Variants in UGT1A10 observed in about 807,000 individuals in gnomAD.
The protein encoded by UGT1A10 is UDP glucuronosyltransferase family 1 member A10.
UGT1A10 carries 49 observed loss-of-function variants against 45.8 expected under a neutral mutation model. That is an observed-to-expected ratio of 1.07 (90% CI 0.85 to 1.36). UGT1A10 has a LOEUF of 1.36. Among genes scored for constraint, UGT1A10 ranks in the 40% most tolerant of loss-of-function variants. The pLI is 0.00. For missense variants in UGT1A10, 745 were observed against 668.6 expected, an observed-to-expected ratio of 1.11 and a Z score of -1.26; for synonymous variants, 284 against 249.7, an observed-to-expected ratio of 1.14 and a Z score of -1.29.
At chr2:233,690,034 C>T (rs768165230) in intron 1 of UGT1A10, 2 of 419,920 alleles carry the variant, frequency 4.8e-6, no homozygotes, top group Non-Finnish European at 9.4e-6. Flanking sequence ...AAGATCTGGG[C>T]CCAGAGCATT....
chr2:233,698,420 T>G (rs2075440349), intron 1 of UGT1A10, among the ~76,000 whole-genome samples: 1 of 152,188 alleles, frequency 6.6e-6, no homozygotes, highest in African/African-American at 2.4e-5. Flanking sequence ...CGCAATAAAT[T>G]ATTTAAGAAA....
chr2:233,725,733 T>C (rs1277713269), intron 1 of UGT1A10, among the ~76,000 whole-genome samples: 1 of 152,236 alleles, frequency 6.6e-6, no homozygotes, highest in Non-Finnish European at 1.5e-5. Flanking sequence ...TGTTTACAAA[T>C]GTAAACATTG....
At chr2:233,677,092 G>T (rs933930881) in intron 1 of UGT1A10, among the ~76,000 whole-genome samples, 3 of 151,942 alleles carry the variant, frequency 2.0e-5, no homozygotes, top group Admixed American at 1.3e-4. Flanking sequence ...AATCCTGCTA[G>T]GATTTTGATT....
At chr2:233,714,500 A>C (rs558780579) in intron 1 of UGT1A10, among the ~76,000 whole-genome samples, 48 of 152,320 alleles carry the variant, frequency 3.2e-4, no homozygotes, top group Admixed American at 1.4e-3. Context: ...ACACTACTTA[A>C]AAAAAATTCT....
chr2:233,726,059 A>G (rs2077496716), intron 1 of UGT1A10, among the ~76,000 whole-genome samples: 1 of 152,080 alleles, frequency 6.6e-6, no homozygotes, highest in East Asian at 1.9e-4. Context: ...CCAGCTACTC[A>G]GGAGGCTGAG....
intron 1 of UGT1A10, among the ~76,000 whole-genome samples, chr2:233,658,016 CT>C (rs1298030485): frequency 8.4e-6 from 1 of 118,872 alleles, no homozygotes; most frequent in Non-Finnish European, 1.7e-5. Context: ...TAGTTTCCTC[CT>C]CTTTTTTTTT....
chr2:233,703,165 C>T (rs1009134822), intron 1 of UGT1A10, among the ~76,000 whole-genome samples: 1 of 152,064 alleles, frequency 6.6e-6, no homozygotes, highest in Non-Finnish European at 1.5e-5. Context: ...CTTCTTGATT[C>T]AATTTCAGTA....
At chr2:233,721,929 C>A in intron 1 of UGT1A10, 1 of 379,728 alleles carries the variant, frequency 2.6e-6, no homozygotes, top group East Asian at 7.5e-5. Context: ...AAAGTGACAT[C>A]CTTCAGACAC....
At chr2:233,679,052 G>C (rs1398137730) in intron 1 of UGT1A10, among the ~76,000 whole-genome samples, 1 of 152,176 alleles carries the variant, frequency 6.6e-6, no homozygotes, top group Non-Finnish European at 1.5e-5. Context: ...TCTCTATCCA[G>C]ATTCTCTTCC....
intron 1 of UGT1A10, among the ~76,000 whole-genome samples, chr2:233,668,984 T>C (rs2074129809): frequency 6.6e-6 from 1 of 152,238 alleles, no homozygotes; most frequent in Non-Finnish European, 1.5e-5. Context: ...AGTTTGAGTT[T>C]GTCTGATGTT....
At chr2:233,661,666 T>TCTTTCTTTCTTTCTTC (rs2073971253) in intron 1 of UGT1A10, among the ~76,000 whole-genome samples, 1 of 148,714 alleles carries the variant, frequency 6.7e-6, no homozygotes, top group Non-Finnish European at 1.5e-5. Flanking sequence ...TTTCTTTCTT[T>TCTTTCTTTCTTTCTTC]CTTTCTTTCT....
At chr2:233,723,643 A>G in intron 1 of UGT1A10, among the ~76,000 whole-genome samples, 1 of 102,338 alleles carries the variant, frequency 9.8e-6, no homozygotes, top group Non-Finnish European at 1.9e-5. Context: ...AAGTGAACAA[A>G]GGTCTCTGGT....
intron 1 of UGT1A10, among the ~76,000 whole-genome samples, chr2:233,645,753 G>A (rs1028849000): frequency 2.6e-5 from 4 of 152,222 alleles, no homozygotes; most frequent in African/African-American, 7.2e-5. Flanking sequence ...GCAGGGTACA[G>A]CCTCCCTTCC....
chr2:233,637,300 G>C lies in UGT1A10; in HGVS notation c.778G>C (p.Asp260His). The change falls in exon 1 of 5, where the codon GAC (aspartate) becomes CAC (histidine). Residue 260 changes from aspartate to histidine, a missense_variant. By Grantham distance (81) the Asp-to-His change is moderately conservative. Coordinates refer to ENST00000344644, the MANE Select transcript of UGT1A10 (RefSeq NM_019075.4). ...GTTGTTGCGAACGGACTTTGTTTTG[G>C]ACTATCCCAAACCCGTGATGCCCAA... ...IWLLRTDFVL[D>H]YPKPVMPNMI... 1 of 1,613,900 alleles carries C rather than the reference G, an allele frequency of 6.2e-7. No individual in the cohort carries two copies. The highest frequency in any genetic ancestry group is 8.5e-7 in the Non-Finnish European group (1 of 1,179,844).
rs369738416 is a variant in UGT1A10 at position 233,718,805 on chromosome 2, G to A, written c.856-48229G>A. On this transcript the variant is annotated intron_variant, in intron 1 of 4. Transcript: ENST00000344644. The stretch of plus-strand genomic sequence containing the variant: ...AGCGTGGGGTGGACAGTCAGCTGTC[G>A]GTGGCTTCTGCTGAGATGGCCAGAG... 6.6e-5 allele frequency: 107 copies of A among 1,613,182 alleles called. No homozygotes were observed. The African/African-American group carries it at 1.2e-3, about 18-fold the overall frequency.
intron 1 of UGT1A10, chr2:233,719,360 A>T: frequency 6.2e-7 from 1 of 1,613,910 alleles, no homozygotes; most frequent in Non-Finnish European, 8.5e-7. Context: ...CATGTGACTT[A>T]GACTTTAAGG....
chr2:233,724,868 A>G (rs2077326102), intron 1 of UGT1A10, among the ~76,000 whole-genome samples: 1 of 128,220 alleles, frequency 7.8e-6, no homozygotes, highest in African/African-American at 3.4e-5. Flanking sequence ...TGTAGGTTGT[A>G]GTGAGCGGAG....
intron 1 of UGT1A10, among the ~76,000 whole-genome samples, chr2:233,663,311 C>T (rs924209824): frequency 3.9e-5 from 6 of 152,176 alleles, no homozygotes; most frequent in Non-Finnish European, 8.8e-5. Flanking sequence ...TCTCCCCAAG[C>T]AATTTGGGGA....
At chr2:233,713,223 A>T (rs72551334) in intron 1 of UGT1A10, 2 of 1,614,132 alleles carry the variant, frequency 1.2e-6, no homozygotes, top group African/African-American at 2.7e-5. Flanking sequence ...TTTCACCCTG[A>T]CAACGTATGC....
Sources: gnomAD v4.1 joint callset for allele counts (sites outside exome capture counted in the v4.1 genomes callset) on GRCh38, gnomAD v4.1.1 for gene constraint, MANE v1.5 for transcripts, NCBI Gene and HGNC (gene_info 2026-07-23, HGNC 2026-07-21) for gene names.